The following RAB19 variants were observed in gnomAD, a reference collection of about 807,000 sequenced individuals.
The protein encoded by RAB19 is ras-related protein Rab-19.
RAB19 carries 21 observed loss-of-function variants against 17.3 expected under a neutral mutation model. The observed-to-expected ratio is 1.21, with a 90% CI of 0.86 to 1.74. The LOEUF is 1.74. Ranked by LOEUF, RAB19 falls within the 40% of genes most tolerant of loss-of-function variation. The probability of loss-of-function intolerance (pLI) is 0.00; values close to 1 mark genes in which losing one functional copy is unlikely to be tolerated. For missense variants in RAB19, 277 were observed against 286.8 expected, an observed-to-expected ratio of 0.97 and a Z score of 0.25; for synonymous variants, 126 against 110.4, an observed-to-expected ratio of 1.14 and a Z score of -0.88.
rs745983601 is a variant in RAB19 at position 140,425,930 on chromosome 7, C to T, written c.434C>T (p.Ala145Val). The T allele has an allele frequency of 3.1e-6, 5 of 1,614,154 alleles. No individual in the cohort carries two copies. The highest frequency in any genetic ancestry group is 2.2e-5 in the East Asian group (1 of 44,884). Reference protein sequence around the residue: ...WEKRHVLFEDACTLAEKYGLL... With the variant: ...WEKRHVLFEDVCTLAEKYGLL... ...AAGCGGCACGTCCTGTTCGAGGATG[C>T]CTGCACACTGGCTGAGAAGTACGGC... The change falls in exon 4 of 4, where the codon GCC becomes GTC. Residue 145 changes from alanine to valine, a missense_variant. Ala to Val is a moderately conservative substitution (Grantham distance 64). Coordinates refer to ENST00000537763, the MANE Select transcript of RAB19 (RefSeq NM_001008749.3).
At chr7:140,414,827 G>C (rs1198020593) in intron 3 of RAB19, among the ~76,000 whole-genome samples, 2 of 152,052 alleles carry the variant, frequency 1.3e-5, no homozygotes, top group Admixed American at 6.6e-5. Context: ...CGGTGTCAGG[G>C]GTTGATTGCA....
intron 3 of RAB19, among the ~76,000 whole-genome samples, chr7:140,412,935 A>G (rs955706338): frequency 6.6e-6 from 1 of 151,436 alleles, no homozygotes; most frequent in Non-Finnish European, 1.5e-5. Flanking sequence ...GACCAGCCTA[A>G]GCAACATGGC....
chr7:140,424,657 G>GTGTGTA (rs1799630033), intron 3 of RAB19, among the ~76,000 whole-genome samples: 1 of 81,738 alleles, frequency 1.2e-5, no homozygotes, highest in African/African-American at 7.3e-5. Flanking sequence ...GTGTATATAT[G>GTGTGTA]TGTGTGTATA....
At chr7:140,409,625 G>T (rs74498409) in intron 2 of RAB19, among the ~76,000 whole-genome samples, 8,762 of 152,078 alleles carry the variant, frequency 0.058, 320 homozygotes, top group South Asian at 0.14. Context: ...TTGAACCCAG[G>T]AGGCAGAGGT....
At position 140,411,998 on chromosome 7, in the gene RAB19, C is replaced by T; in HGVS notation, c.326C>T (p.Pro109Leu). The T allele has an allele frequency of 7.4e-6, 12 of 1,614,106 alleles. No homozygotes were observed. Among genetic ancestry groups the T allele is most frequent in the South Asian group, 1.1e-5 (1 of 91,086 alleles). ...CGGCGGTCCACGTTCGAGTCCATCC[C>T]TCACTGGATTCATGAGATAGAGAAA... The part of the protein sequence containing the change: ...LTRRSTFESI[P>L]HWIHEIEKYG... Residue 109 changes from proline to leucine, a missense_variant, in exon 3 of 4, where the codon CCT (proline) becomes CTT (leucine). By Grantham distance (98) the Pro-to-Leu change is moderately conservative. Coordinates refer to ENST00000537763, the MANE Select transcript of RAB19 (RefSeq NM_001008749.3).
Position 140,407,863 on chromosome 7 carries a change from G to C in RAB19, c.201+16G>C. The C allele has an allele frequency of 6.5e-7, 1 of 1,542,254 alleles. No individual in the cohort carries two copies. ...AAAAGTGAAGGTCAGAGGGCACCGG[G>C]ACGGGACTGGTTCCACCTTTTTTTT... On this transcript the variant is annotated intron_variant, in intron 2 of 3. Transcript: ENST00000537763.
At chr7:140,411,003 A>G (rs532361011) in intron 2 of RAB19, 2 of 1,367,846 alleles carry the variant, frequency 1.5e-6, no homozygotes, top group Admixed American at 3.8e-5. Flanking sequence ...CACCTTTGCC[A>G]GTATTCAGAT....
At chr7:140,411,175 A>C in intron 2 of RAB19, 1 of 1,253,416 alleles carries the variant, frequency 8.0e-7, no homozygotes. Context: ...CGAGGCCAGC[A>C]GATCACAAGG....
rs1199054127 is a variant in RAB19, at chr7:140,426,831, T to TTTTC, written c.*689_*692dup. Among the ~76,000 whole-genome samples, 1 of 149,216 alleles carries TTTTC rather than the reference T, an allele frequency of 6.7e-6. No individual in the cohort carries two copies. The highest frequency in any genetic ancestry group is 2.5e-5 in the African/African-American group (1 of 39,436). ...GATAGGGGAAGACACCTGCAATTTT[T>TTTTC]TTTCTTTCTTTTTTTTTTTTTTTTT... is the stretch of plus-strand genomic sequence containing the variant. On this transcript the variant is annotated 3_prime_UTR_variant, in exon 4 of 4. Coordinates refer to ENST00000537763, the MANE Select transcript of RAB19 (RefSeq NM_001008749.3).
chr7:140,422,057 G>C (rs181460846), intron 3 of RAB19, among the ~76,000 whole-genome samples: 2 of 152,174 alleles, frequency 1.3e-5, no homozygotes, highest in Non-Finnish European at 2.9e-5. Context: ...AAATTTTTCT[G>C]TATAAAGATC....
chr7:140,415,903 T>C (rs1243495728), intron 3 of RAB19, among the ~76,000 whole-genome samples: 1 of 149,666 alleles, frequency 6.7e-6, no homozygotes, highest in African/African-American at 2.5e-5. Flanking sequence ...AGACTCTGTC[T>C]CAAAAAAAAA....
Position 140,412,455 on chromosome 7 carries a change from GA to G in RAB19, c.385+406del, listed in dbSNP as rs200291226. On this transcript the variant is annotated intron_variant, in intron 3 of 3. Transcript: ENST00000537763. ...TGACAGAGCAACACTCCGTCGGGGG[GA>G]AAAAAAATGTGTAAGTGATGGATAG... Among the ~76,000 whole-genome samples, 229 of 151,480 alleles carry G rather than the reference GA, an allele frequency of 1.5e-3. 1 individual carries two copies. The highest frequency in any genetic ancestry group is 8.8e-3 in the East Asian group (45 of 5,138).
At chr7:140,418,609 G>A (rs1371205834) in intron 3 of RAB19, among the ~76,000 whole-genome samples, 1 of 150,996 alleles carries the variant, frequency 6.6e-6, no homozygotes, top group East Asian at 1.9e-4. Context: ...TATTGACTGG[G>A]TGTGGGCTCA....
At chr7:140,410,319 T>TC (rs1563069925) in intron 2 of RAB19, among the ~76,000 whole-genome samples, 1 of 118,996 alleles carries the variant, frequency 8.4e-6, no homozygotes, top group Non-Finnish European at 1.8e-5. Flanking sequence ...TTTTCTTTTT[T>TC]TTTTTTTTTT....
chr7:140,420,703 G>T lies in RAB19; in HGVS notation c.386-5179G>T, dbSNP rs75931779. On this transcript the variant is annotated intron_variant, in intron 3 of 3. Transcript: ENST00000537763. ...GGGATGGGGTGCTGTCCCCACTAGG[G>T]CGCTGCACTAGGGTCCTGTTGGGCT... Among the ~76,000 whole-genome samples, 21 of 152,160 alleles carry T rather than the reference G, an allele frequency of 1.4e-4. 1 individual carries two copies. The East Asian group carries it at 4.1e-3, about 30-fold the overall frequency.
intron 3 of RAB19, among the ~76,000 whole-genome samples, chr7:140,415,081 CT>C (rs201147147): frequency 4.2e-4 from 61 of 143,954 alleles, no homozygotes; most frequent in Admixed American, 3.5e-4. Context: ...CTTTTCTTTT[CT>C]TTTTTTTTTT....
chr7:140,405,297 T>G (rs1799216375), intron 1 of RAB19, among the ~76,000 whole-genome samples: 1 of 152,188 alleles, frequency 6.6e-6, no homozygotes, highest in South Asian at 2.1e-4. Flanking sequence ...CTCGGCTCAC[T>G]GCAACCTCTG....
intron 2 of RAB19, chr7:140,410,923 T>G: frequency 2.9e-6 from 4 of 1,367,684 alleles, no homozygotes; most frequent in Non-Finnish European, 3.9e-6. Flanking sequence ...GGAGGTATTA[T>G]TGTGAGAACA....
chr7:140,417,903 C>G (rs1799488920), intron 3 of RAB19, among the ~76,000 whole-genome samples: 1 of 152,156 alleles, frequency 6.6e-6, no homozygotes, highest in Non-Finnish European at 1.5e-5. Context: ...CAGGGCCTGC[C>G]CAGCTAGTCC....
Sources: gnomAD v4.1 joint callset for allele counts (sites outside exome capture counted in the v4.1 genomes callset) on GRCh38, gnomAD v4.1.1 for gene constraint, MANE v1.5 for transcripts, NCBI Gene and HGNC (gene_info 2026-07-23, HGNC 2026-07-21) for gene names.